DOCK5: variants seen among roughly 807,000 people sequenced by gnomAD.
DOCK5 encodes dedicator of cytokinesis 5, also known as dedicator of cytokinesis protein 5.
In DOCK5, 142 loss-of-function variants were observed where a neutral mutation model predicts 251.8. The observed-to-expected ratio is 0.56, with a 90% CI of 0.49 to 0.65. DOCK5 has a LOEUF of 0.65. Ranked by LOEUF, DOCK5 falls within the 30% of genes least tolerant of loss-of-function variation. DOCK5 has a pLI of 0.00. For synonymous variants in DOCK5, 842 were observed against 835.5 expected, an observed-to-expected ratio of 1.01 and a Z score of -0.13; for missense variants, 2,111 against 2,312.3, an observed-to-expected ratio of 0.91 and a Z score of 1.79.
intron 2 of DOCK5, among the ~76,000 whole-genome samples, chr8:25,268,238 C>CG (rs1328597728): frequency 6.7e-6 from 1 of 150,138 alleles, no homozygotes; most frequent in Admixed American, 6.7e-5. Flanking sequence ...ATGGGGGTGG[C>CG]GGGGGGATGT....
intron 11 of DOCK5, among the ~76,000 whole-genome samples, chr8:25,306,102 G>A (rs1190934166): frequency 2.6e-5 from 4 of 151,868 alleles, no homozygotes; most frequent in Admixed American, 2.0e-4. Flanking sequence ...TTAAAATATG[G>A]CCATTGCACT....
chr8:25,229,562 T>G (rs184713581), intron 1 of DOCK5, among the ~76,000 whole-genome samples: 1 of 152,206 alleles, frequency 6.6e-6, no homozygotes, highest in East Asian at 1.9e-4. Flanking sequence ...TTTACCTTTC[T>G]TCAGACTGGA....
At chr8:25,214,715 G>A (rs1159229996) in intron 1 of DOCK5, among the ~76,000 whole-genome samples, 1 of 152,152 alleles carries the variant, frequency 6.6e-6, no homozygotes, top group Admixed American at 6.5e-5. Context: ...CGATTCAGCA[G>A]TCATCGGTTG....
chr8:25,359,156 T>G, intron 28 of DOCK5, 95 bp downstream of exon 28: 1 of 1,045,960 alleles, frequency 9.6e-7, no homozygotes. Context: ...CAGGGTTCTC[T>G]TCCCACGCAC....
At chr8:25,318,764 T>C (rs1027425183) in intron 14 of DOCK5, among the ~76,000 whole-genome samples, 1 of 152,036 alleles carries the variant, frequency 6.6e-6, no homozygotes, top group African/African-American at 2.4e-5. Context: ...GTATGAGCCG[T>C]AGTTAACTGC....
chr8:25,287,449 A>G lies in DOCK5; in HGVS notation c.322-4575A>G, dbSNP rs112759940. On this transcript the variant is annotated intron_variant, in intron 5 of 51. Transcript: ENST00000276440. ...AAAAAAAAAAGTTATAAATATTTGG[A>G]CTAAAACTACAAAAAGTGAGGCTTC... 4.6e-3 allele frequency among the ~76,000 whole-genome samples: 702 copies of G among 152,142 alleles called. 5 individuals are homozygous for G. The highest frequency in any genetic ancestry group is 0.031 in the South Asian group (148 of 4,820).
In DOCK5 at chr8:25,342,389, T is replaced by G; in HGVS notation, c.2511-12T>G. On this transcript the variant is annotated splice_polypyrimidine_tract_variant and intron_variant, in intron 24 of 51. Transcript: ENST00000276440. ...AACGAAGACACTACTAACCCTGAGG[T>G]TTCTCTCCCAGCGTGCTCTTCTGCA... is the stretch of plus-strand genomic sequence containing the variant. The G allele has an allele frequency of 6.4e-7, 1 of 1,570,132 alleles. No homozygotes were observed. The highest frequency in any genetic ancestry group is 8.7e-7 in the Non-Finnish European group (1 of 1,154,856).
Position 25,308,914 on chromosome 8 carries a change from A to T in DOCK5, c.1181A>T (p.His394Leu). The T allele has an allele frequency of 6.2e-7, 1 of 1,613,814 alleles. No homozygotes were observed. Among genetic ancestry groups the T allele is most frequent in the Non-Finnish European group, 8.5e-7 (1 of 1,179,740 alleles). ...NKVIAAKEVN[H>L]KGQGLWVSLK... ...GTGATTGCAGCAAAGGAAGTGAATC[A>T]CAAAGGGCAAGGTACAGTCCAGTGC... The change falls in exon 12 of 52, where the codon CAC becomes CTC. Residue 394 changes from histidine (H) to leucine (L), a missense_variant. His to Leu is a moderately conservative substitution (Grantham distance 99). Transcript: ENST00000276440.
intron 34 of DOCK5, among the ~76,000 whole-genome samples, chr8:25,371,244 GT>G (rs1437559732): frequency 2.0e-5 from 3 of 152,236 alleles, no homozygotes; most frequent in African/African-American, 7.2e-5. Context: ...TAGAGATGGG[GT>G]TTCACGATGT....
intron 14 of DOCK5, among the ~76,000 whole-genome samples, chr8:25,317,634 G>A (rs546454308): frequency 3.6e-4 from 55 of 152,142 alleles, no homozygotes; most frequent in African/African-American, 1.3e-3. Flanking sequence ...TTTTTGAGAC[G>A]GAGTCTTGCT....
At chr8:25,302,194 G>A (rs1190684825) in intron 9 of DOCK5, 131 bp from the exon 10 acceptor site, 1 of 1,273,706 alleles carries the variant, frequency 7.9e-7, no homozygotes, top group Non-Finnish European at 1.0e-6. Context: ...GGAGAAGAGA[G>A]TCGTTCTAAT....
Position 25,292,212 on chromosome 8 carries a change from G to T in DOCK5, c.470+40G>T, listed in dbSNP as rs546482493. ...GATGGCTTTTCACTGAAAACTTGGC[G>T]AACAGTGGGCATGTTCACGCTAATG... On this transcript the variant is annotated intron_variant, in intron 6 of 51. Coordinates refer to ENST00000276440, the MANE Select transcript of DOCK5 (RefSeq NM_024940.8). The T allele has an allele frequency of 2.7e-5, 41 of 1,518,298 alleles. No homozygotes were observed. The South Asian group carries it at 3.2e-4, about 12-fold the overall frequency. 94.1% of individuals were successfully genotyped at this position (1,518,298 alleles called of 1,614,324 possible).
chr8:25,344,336 G>T (rs1800318497), intron 25 of DOCK5, among the ~76,000 whole-genome samples: 2 of 152,190 alleles, frequency 1.3e-5, no homozygotes, highest in South Asian at 4.1e-4. Flanking sequence ...GAGTGAGGCA[G>T]CCACGGAGAC....
chr8:25,310,528 G>T lies in DOCK5; in HGVS notation c.1314G>T (p.Leu438=). 1 of 1,609,914 alleles carries T rather than the reference G, an allele frequency of 6.2e-7. No individual in the cohort carries two copies. Among genetic ancestry groups the T allele is most frequent in the Non-Finnish European group, 8.5e-7 (1 of 1,178,212 alleles). Reference sequence around the variant, plus strand: ...AGATGGGCTTTCCTGAAATCATACTGCCAGGTAAGCACTTTGCATGGCTCA... The same window carrying T: ...AGATGGGCTTTCCTGAAATCATACTTCCAGGTAAGCACTTTGCATGGCTCA... ...ARKMGFPEII[L]PGDVRNDIYV... Residue 438 remains leucine (L), a synonymous_variant, in exon 13 of 52, where the codon CTG becomes CTT. Transcript: ENST00000276440.
At chr8:25,332,552 TG>T (rs1437946770) in intron 19 of DOCK5, 50 bp from the exon 20 acceptor site, 59 of 1,480,308 alleles carry the variant, frequency 4.0e-5, no homozygotes, top group Non-Finnish European at 5.2e-5. Flanking sequence ...TTCTGTGGTG[TG>T]GGGCTGAATG....
At chr8:25,222,940 T>C (rs1802432112) in intron 1 of DOCK5, among the ~76,000 whole-genome samples, 1 of 152,160 alleles carries the variant, frequency 6.6e-6, no homozygotes, top group Non-Finnish European at 1.5e-5. Context: ...CCTAAAGGGC[T>C]TCTCACCCTA....
chr8:25,388,229 C>T lies in DOCK5; in HGVS notation c.4132-862C>T, dbSNP rs192196171. ...GTATTCCTGTTGTCCAGCTGATCTT[C>T]TCTTTGTGCAATACATATTTTTATA... On this transcript the variant is annotated intron_variant, in intron 40 of 51. Transcript: ENST00000276440. 3.1e-4 allele frequency among the ~76,000 whole-genome samples: 47 copies of T among 152,290 alleles called. No homozygotes were observed. In the East Asian group the frequency reaches 7.7e-3, roughly 25 times the overall value.
chr8:25,218,805 G>A (rs1365272676), intron 1 of DOCK5, among the ~76,000 whole-genome samples: 1 of 152,178 alleles, frequency 6.6e-6, no homozygotes, highest in African/African-American at 2.4e-5. Context: ...AGGAAGACAA[G>A]TTTCCAGGAA....
At chr8:25,195,298 G>A (rs1461998274) in intron 1 of DOCK5, among the ~76,000 whole-genome samples, 1 of 117,730 alleles carries the variant, frequency 8.5e-6, no homozygotes, top group Non-Finnish European at 1.7e-5. Context: ...TTGCTTTGTT[G>A]CCCAGGCTGG....
Sources: allele counts gnomAD v4.1 joint callset (sites outside exome capture counted in the v4.1 genomes callset), GRCh38; gene constraint gnomAD v4.1.1; transcripts MANE v1.5; gene names NCBI Gene and HGNC (gene_info 2026-07-23, HGNC 2026-07-21).